The following FOXP2 variants were observed in gnomAD, a reference collection of about 807,000 sequenced individuals.
The protein encoded by FOXP2 is forkhead box P2.
FOXP2 carries 12 observed loss-of-function variants against 115.8 expected under a neutral mutation model. The ratio of observed to expected loss-of-function variants is 0.10; its 90% CI spans 0.07 to 0.17. The LOEUF is 0.17. FOXP2 is among the 10% of genes least tolerant of loss of function. FOXP2 has a pLI of 1.00. For missense variants in FOXP2, 629 were observed against 843.5 expected (o/e 0.75, Z 3.15); for synonymous variants, 328 against 297.7 (o/e 1.10, Z -1.05).
intron 6 of FOXP2, among the ~76,000 whole-genome samples, chr7:114,637,867 T>C (rs1437254776): frequency 1.3e-5 from 2 of 152,096 alleles, no homozygotes; most frequent in African/African-American, 4.8e-5. Context: ...TGCCTTAGTG[T>C]CCCCATCTCT....
intron 3 of FOXP2, among the ~76,000 whole-genome samples, chr7:114,621,605 A>G (rs978318207): frequency 6.6e-6 from 1 of 152,028 alleles, no homozygotes; most frequent in Non-Finnish European, 1.5e-5. Flanking sequence ...GCTCATCAGC[A>G]ACTCCAAGTG....
chr7:114,185,936 G>A (rs1357017445), intron 1 of FOXP2, among the ~76,000 whole-genome samples: 3 of 151,874 alleles, frequency 2.0e-5, no homozygotes, highest in Non-Finnish European at 2.9e-5. Flanking sequence ...ATCAATATAC[G>A]GGCATCTGGT....
At chr7:114,479,985 G>A (rs778097000) in intron 2 of FOXP2, among the ~76,000 whole-genome samples, 3 of 151,198 alleles carry the variant, frequency 2.0e-5, no homozygotes, top group African/African-American at 2.4e-5. Flanking sequence ...GGAACCAACC[G>A]TCTGCTTCTT....
chr7:114,173,831 G>A (rs1292304594), intron 1 of FOXP2, among the ~76,000 whole-genome samples: 1 of 151,776 alleles, frequency 6.6e-6, no homozygotes. Context: ...GATTTTTTCT[G>A]TGTTAAAGCA....
chr7:114,657,372 T>C (rs1201172769), intron 10 of FOXP2, among the ~76,000 whole-genome samples: 3 of 152,172 alleles, frequency 2.0e-5, no homozygotes, highest in African/African-American at 7.2e-5. Context: ...TCCAGAGGAA[T>C]TGGCAAACTT....
At chr7:114,336,572 C>A (rs918674066) in intron 2 of FOXP2, among the ~76,000 whole-genome samples, 1 of 151,512 alleles carries the variant, frequency 6.6e-6, no homozygotes, top group African/African-American at 2.4e-5. Context: ...ATAAGGATTT[C>A]TTGCACCCTA....
chr7:114,594,199 C>CT (rs1326497753), intron 3 of FOXP2, among the ~76,000 whole-genome samples: 4 of 151,876 alleles, frequency 2.6e-5, no homozygotes, highest in Non-Finnish European at 5.9e-5. Flanking sequence ...CTACATAATT[C>CT]CTTCATACAA....
chr7:114,302,497 TAAAG>T (rs1382101717), intron 2 of FOXP2, among the ~76,000 whole-genome samples: 1 of 152,140 alleles, frequency 6.6e-6, no homozygotes, highest in African/African-American at 2.4e-5. Context: ...CATTTTAAAA[TAAAG>T]AAACATAATT....
In FOXP2 at chr7:114,516,810, C is replaced by T. The variant is rs185183112; in HGVS notation, c.169-17807C>T. 4.6e-5 allele frequency among the ~76,000 whole-genome samples: 7 copies of T among 152,172 alleles called. No individual in the cohort carries two copies. The East Asian group carries it at 1.4e-3, about 29-fold the overall frequency. ...TCCCAGGTTCAAGCAATTCTCTTGC[C>T]TCTGCCTCCTGAGTAGTTGGGACTA... On this transcript the variant is annotated intron_variant, in intron 2 of 16. Transcript: ENST00000350908.
At chr7:114,457,735 A>T (rs1271321059) in intron 2 of FOXP2, among the ~76,000 whole-genome samples, 1 of 152,080 alleles carries the variant, frequency 6.6e-6, no homozygotes, top group Non-Finnish European at 1.5e-5. Flanking sequence ...CGTCTCTACT[A>T]AAAATACAAA....
intron 16 of FOXP2, among the ~76,000 whole-genome samples, chr7:114,689,071 T>C (rs1325457818): frequency 6.6e-6 from 1 of 152,150 alleles, no homozygotes; most frequent in Non-Finnish European, 1.5e-5. Context: ...CTTTCTAATA[T>C]ATTTTGGGGT....
chr7:114,637,427 ATC>A (rs1380010753), intron 6 of FOXP2, among the ~76,000 whole-genome samples: 1 of 152,096 alleles, frequency 6.6e-6, no homozygotes, highest in African/African-American at 2.4e-5. Context: ...AAACCGAATA[ATC>A]TTCACTTAAG....
intron 1 of FOXP2, among the ~76,000 whole-genome samples, chr7:114,198,584 G>A (rs1324979783): frequency 2.0e-5 from 3 of 152,184 alleles, no homozygotes; most frequent in Non-Finnish European, 4.4e-5. Flanking sequence ...GAATGCTGCT[G>A]CTGATCTGAC....
chr7:114,428,600 T>C (rs1793974813), intron 2 of FOXP2, among the ~76,000 whole-genome samples: 1 of 151,472 alleles, frequency 6.6e-6, no homozygotes, highest in East Asian at 1.9e-4. Flanking sequence ...AATAATTTAA[T>C]AAATAAACAT....
intron 2 of FOXP2, among the ~76,000 whole-genome samples, chr7:114,399,114 C>CTTTT (rs66789053): frequency 7.1e-6 from 1 of 141,408 alleles, no homozygotes; most frequent in Non-Finnish European, 1.5e-5. Flanking sequence ...TTTTCTTTTT[C>CTTTT]TTTTTTTTTT....
chr7:114,403,138 A>T (rs1792932854), intron 2 of FOXP2, among the ~76,000 whole-genome samples: 1 of 152,208 alleles, frequency 6.6e-6, no homozygotes, highest in African/African-American at 2.4e-5. Context: ...GCCCCTTCAT[A>T]GTCTGTATAT....
chr7:114,228,541 A>C (rs1794797237), intron 1 of FOXP2, among the ~76,000 whole-genome samples: 1 of 151,966 alleles, frequency 6.6e-6, no homozygotes, highest in Admixed American at 6.6e-5. Context: ...TCACAAAATA[A>C]GTGGCTTAAA....
intron 3 of FOXP2, among the ~76,000 whole-genome samples, chr7:114,556,912 GT>G (rs1800491353): frequency 6.6e-6 from 1 of 152,100 alleles, no homozygotes; most frequent in Admixed American, 6.5e-5. Flanking sequence ...CTTTTGTATT[GT>G]TTTTTGAAAA....
chr7:114,604,209 T>C (rs1024537004), intron 3 of FOXP2, among the ~76,000 whole-genome samples: 2 of 152,142 alleles, frequency 1.3e-5, no homozygotes, highest in African/African-American at 2.4e-5. Context: ...AATCCGCACC[T>C]GGCAAAAAGA....
Sources: gnomAD v4.1 joint callset for allele counts (sites outside exome capture counted in the v4.1 genomes callset) on GRCh38, gnomAD v4.1.1 for gene constraint, MANE v1.5 for transcripts, NCBI Gene and HGNC (gene_info 2026-07-23, HGNC 2026-07-21) for gene names.